CCDC3: variants seen among roughly 807,000 people sequenced by gnomAD.
The protein encoded by CCDC3 is coiled-coil domain-containing protein 3.
In CCDC3, 24 loss-of-function variants were observed where a neutral mutation model predicts 21.4. The observed-to-expected ratio is 1.12, with a 90% confidence interval of 0.81 to 1.58. The LOEUF is 1.58. Among genes scored for constraint, CCDC3 ranks in the 40% most tolerant of loss-of-function variants. The probability of loss-of-function intolerance (pLI) is 0.00; values close to 1 mark genes in which losing one functional copy is unlikely to be tolerated. For missense variants in CCDC3, 425 were observed against 360.9 expected, an observed-to-expected ratio of 1.18 and a Z score of -1.44; for synonymous variants, 186 against 166.0, an observed-to-expected ratio of 1.12 and a Z score of -0.93.
chr10:12,964,639 T>G (rs1019048959), intron 2 of CCDC3, among the ~76,000 whole-genome samples: 2 of 152,216 alleles, frequency 1.3e-5, no homozygotes, highest in African/African-American at 4.8e-5. Context: ...TTGCCTCATG[T>G]GATAATACAT....
intron 2 of CCDC3, among the ~76,000 whole-genome samples, chr10:12,976,651 C>T (rs189427139): frequency 2.6e-4 from 40 of 152,334 alleles, no homozygotes; most frequent in Admixed American, 1.6e-3. Flanking sequence ...TAAATAGGCC[C>T]TGTCCAATAT....
chr10:13,002,863 C>T (rs1835876512), upstream of CCDC3, among the ~76,000 whole-genome samples: 1 of 152,194 alleles, frequency 6.6e-6, no homozygotes. Flanking sequence ...TTACAGACGG[C>T]CACCTTCTCA....
intron 2 of CCDC3, among the ~76,000 whole-genome samples, chr10:12,951,318 T>C (rs1042341046): frequency 6.6e-6 from 1 of 152,094 alleles, no homozygotes; most frequent in African/African-American, 2.4e-5. Context: ...ATTGCACCAC[T>C]GCACTCCAGC....
chr10:12,969,218 GA>G (rs1346698998), intron 2 of CCDC3, among the ~76,000 whole-genome samples: 1 of 152,002 alleles, frequency 6.6e-6, no homozygotes, highest in Non-Finnish European at 1.5e-5. Flanking sequence ...TCAACATCAC[GA>G]ATCATCAGGG....
chr10:13,002,529 A>G (rs922359673), upstream of CCDC3, among the ~76,000 whole-genome samples: 75 of 152,168 alleles, frequency 4.9e-4, no homozygotes, highest in African/African-American at 1.7e-3. Flanking sequence ...AGCTGGGAAT[A>G]CAAGCACACT....
rs554323707 is a variant in CCDC3, at chr10:13,046,980, A to C, written c.-2+2694T>G. On this transcript the variant is annotated intron_variant, in intron 5 of 6. Transcript: ENST00000378839. Reference sequence around the variant, plus strand: ...AAAAAAAAGAAGAAGCCAATCCAGCAATTTGTCTGGCAACCCAGATATCTG... The same window carrying C: ...AAAAAAAAGAAGAAGCCAATCCAGCCATTTGTCTGGCAACCCAGATATCTG... 3.6e-4 allele frequency among the ~76,000 whole-genome samples: 54 copies of C among 152,028 alleles called. No homozygotes were observed. In the South Asian group the frequency reaches 1.0e-2, roughly 28 times the overall value.
At chr10:13,004,955 C>A (rs1051402684), upstream of CCDC3, among the ~76,000 whole-genome samples, 2 of 152,132 alleles carry the variant, frequency 1.3e-5, no homozygotes, top group Non-Finnish European at 2.9e-5. Context: ...CACTTGGTAA[C>A]CGTTATAAGA....
At chr10:12,951,955 G>T (rs1589019179) in intron 2 of CCDC3, among the ~76,000 whole-genome samples, 1 of 152,210 alleles carries the variant, frequency 6.6e-6, no homozygotes, top group Admixed American at 6.5e-5. Flanking sequence ...CACCTTCCAA[G>T]AAACTCAGTC....
intron 3 of CCDC3, among the ~76,000 whole-genome samples, chr10:13,096,389 TA>T (rs1406321990): frequency 6.6e-6 from 1 of 152,146 alleles, no homozygotes; most frequent in African/African-American, 2.4e-5. Flanking sequence ...TTCACCATGT[TA>T]GCCAGGCTGG....
At chr10:12,899,847 C>T (rs942459502) in intron 2 of CCDC3, among the ~76,000 whole-genome samples, 4 of 152,184 alleles carry the variant, frequency 2.6e-5, no homozygotes, top group African/African-American at 9.7e-5. Flanking sequence ...TTCATTTTCA[C>T]TTTTGTACTT....
chr10:13,025,060 G>A (rs1322391063), intron 5 of CCDC3, among the ~76,000 whole-genome samples: 2 of 152,116 alleles, frequency 1.3e-5, no homozygotes, highest in Non-Finnish European at 2.9e-5. Flanking sequence ...CAAATTTGAT[G>A]GTTTATAATA....
At chr10:13,080,806 A>G (rs376413863) in intron 3 of CCDC3, among the ~76,000 whole-genome samples, 127 of 152,368 alleles carry the variant, frequency 8.3e-4, no homozygotes, top group Middle Eastern at 3.4e-3. Context: ...GGGGCCAGGC[A>G]GTTGTTAGAC....
chr10:12,908,594 C>G (rs1361839617), intron 2 of CCDC3, among the ~76,000 whole-genome samples: 1 of 149,884 alleles, frequency 6.7e-6, no homozygotes, highest in Non-Finnish European at 1.5e-5. Context: ...AGATTCTTGG[C>G]TAAGAACTGT....
intron 2 of CCDC3, among the ~76,000 whole-genome samples, chr10:12,960,108 C>T (rs1485600710): frequency 3.3e-5 from 5 of 151,532 alleles, no homozygotes; most frequent in African/African-American, 7.3e-5. Flanking sequence ...GAGCCGAGAT[C>T]GTGCCACTGC....
intron 4 of CCDC3, among the ~76,000 whole-genome samples, chr10:13,056,121 T>C (rs1255935999): frequency 6.6e-6 from 1 of 152,204 alleles, no homozygotes; most frequent in African/African-American, 2.4e-5. Flanking sequence ...TACAGTTTAA[T>C]TCTAAACTTG....
intron 2 of CCDC3, among the ~76,000 whole-genome samples, chr10:12,954,208 A>G (rs116716325): frequency 0.01 from 1,563 of 152,312 alleles, 27 homozygotes; most frequent in African/African-American, 0.035. Flanking sequence ...ATGCTATGCA[A>G]TGTCTACAAG....
upstream of CCDC3, among the ~76,000 whole-genome samples, chr10:13,004,710 G>A (rs1835905574): frequency 6.6e-6 from 1 of 152,012 alleles, no homozygotes; most frequent in Admixed American, 6.6e-5. Flanking sequence ...TAGTAGTAGT[G>A]TTAGCTAGGC....
At chr10:12,945,782 A>C (rs576842302) in intron 2 of CCDC3, among the ~76,000 whole-genome samples, 1 of 152,352 alleles carries the variant, frequency 6.6e-6, no homozygotes, top group East Asian at 1.9e-4. Context: ...CATTTCTAGT[A>C]AAAAGAACTA....
intron 3 of CCDC3, among the ~76,000 whole-genome samples, chr10:13,089,600 C>G (rs12570515): frequency 0.2 from 30,605 of 151,902 alleles, 3,641 homozygotes; most frequent in East Asian, 0.31. Flanking sequence ...TCTCTCCTCT[C>G]CAACTTTTTA....
Sources: allele counts gnomAD v4.1 joint callset (sites outside exome capture counted in the v4.1 genomes callset), GRCh38; gene constraint gnomAD v4.1.1; transcripts MANE v1.5; gene names NCBI Gene and HGNC (gene_info 2026-07-23, HGNC 2026-07-21).